The following BEND7 variants were observed in gnomAD, a reference collection of about 807,000 sequenced individuals.
The protein encoded by BEND7 is BEN domain containing 7.
A neutral mutation model predicts 50.9 loss-of-function variants in BEND7; 28 were observed. The ratio of observed to expected loss-of-function variants is 0.55; its 90% CI spans 0.41 to 0.75. The LOEUF (loss-of-function observed/expected upper bound fraction) is 0.75, where lower values mean the gene tolerates loss of function less well. Among genes scored for constraint, BEND7 ranks in the 30% least tolerant of loss-of-function variants. BEND7 has a pLI of 0.00. For synonymous variants in BEND7, 170 were observed against 183.9 expected (o/e 0.92, Z 0.61); for missense variants, 477 against 491.3 (o/e 0.97, Z 0.28).
chr10:13,439,037 G>A (rs181013529), downstream of BEND7: 1 of 856,730 alleles, frequency 1.2e-6, no homozygotes, highest in East Asian at 2.7e-5. Context: ...GTCCACTCTT[G>A]CTGGGCAAAG....
chr10:13,474,450 T>C (rs1013779193), intron 6 of BEND7, among the ~76,000 whole-genome samples: 3 of 152,230 alleles, frequency 2.0e-5, no homozygotes, highest in African/African-American at 7.2e-5. Flanking sequence ...GTCATCACTG[T>C]TAGACTCGGG....
At chr10:13,452,220 C>T (rs74368291) in intron 7 of BEND7, among the ~76,000 whole-genome samples, 9 of 152,206 alleles carry the variant, frequency 5.9e-5, no homozygotes, top group East Asian at 5.8e-4. Context: ...AAATAAAAAT[C>T]AATAGGCAGA....
chr10:13,521,831 C>G (rs897128028), intron 2 of BEND7, among the ~76,000 whole-genome samples: 2 of 152,342 alleles, frequency 1.3e-5, no homozygotes, highest in East Asian at 3.9e-4. Flanking sequence ...ACGGACCTGC[C>G]GAGTCCTCCA....
chr10:13,509,175 G>A (rs1458716299), intron 2 of BEND7, among the ~76,000 whole-genome samples: 1 of 152,242 alleles, frequency 6.6e-6, no homozygotes, highest in African/African-American at 2.4e-5. Flanking sequence ...AAGTATCTAT[G>A]AGAAGTTTGG....
In BEND7 at chr10:13,494,157, C is replaced by T. The variant is rs138355115; in HGVS notation, c.572-1281G>A. Among the ~76,000 whole-genome samples the T allele has an allele frequency of 4.7e-3, 713 of 152,168 alleles. 7 individuals are homozygous for T. Among genetic ancestry groups the T allele is most frequent in the African/African-American group, 0.016 (684 of 41,538 alleles). On this transcript the variant is annotated intron_variant, in intron 4 of 8. Transcript: ENST00000466271. ...TGCCGGGCCAGGCATGGTGGCTCAC[C>T]CCTGTAATCCCAGCACTTTGGGAGG... is the stretch of plus-strand genomic sequence containing the variant.
chr10:13,440,366 C>T (rs1835170293), downstream of BEND7, among the ~76,000 whole-genome samples: 1 of 152,226 alleles, frequency 6.6e-6, no homozygotes, highest in Non-Finnish European at 1.5e-5. Flanking sequence ...GCAGCGCGGA[C>T]ACCTGCAAGA....
Position 13,441,395 on chromosome 10 carries a change from T to A in BEND7, c.*348A>T, listed in dbSNP as rs944206857. On this transcript the variant is annotated 3_prime_UTR_variant, in exon 9 of 9. Transcript: ENST00000466271. ...ACAATTTTAATTTACAAAATATGAT[T>A]TTGCTGTTGCAGTTTTGATACGTAT... 11 of 1,114,350 alleles carry A rather than the reference T, an allele frequency of 9.9e-6. No homozygotes were observed. Among genetic ancestry groups the A allele is most frequent in the Admixed American group, 9.6e-5 (2 of 20,818 alleles). 69.0% of individuals were successfully genotyped at this position (1,114,350 alleles called of 1,614,324 possible).
intron 6 of BEND7, among the ~76,000 whole-genome samples, chr10:13,465,924 G>T (rs2074206094): frequency 6.6e-6 from 1 of 152,058 alleles, no homozygotes; most frequent in African/African-American, 2.4e-5. Context: ...TGGGGGGACA[G>T]ACAACAATAT....
chr10:13,481,601 A>T (rs1275829565), intron 5 of BEND7, among the ~76,000 whole-genome samples: 1 of 152,248 alleles, frequency 6.6e-6, no homozygotes, highest in African/African-American at 2.4e-5. Context: ...TACGGGGCTA[A>T]CCCAGAAGGC....
chr10:13,521,792 T>G (rs1317748910), intron 2 of BEND7, among the ~76,000 whole-genome samples: 1 of 152,198 alleles, frequency 6.6e-6, no homozygotes, highest in Non-Finnish European at 1.5e-5. Flanking sequence ...GCCACCTGAC[T>G]CCAGGTGAAG....
chr10:13,509,756 G>A (rs1004079767), intron 2 of BEND7, among the ~76,000 whole-genome samples: 1 of 152,110 alleles, frequency 6.6e-6, no homozygotes, highest in African/African-American at 2.4e-5. Context: ...GGGCAATGGC[G>A]AATCAGCGAA....
At chr10:13,466,136 T>G (rs17533135) in intron 6 of BEND7, among the ~76,000 whole-genome samples, 29,585 of 152,062 alleles carry the variant, frequency 0.19, 3,017 homozygotes, top group Middle Eastern at 0.26. Flanking sequence ...TTTAACACAG[T>G]TGGTATATTT....
At chr10:13,473,849 C>A (rs758835734) in intron 6 of BEND7, among the ~76,000 whole-genome samples, 6 of 145,456 alleles carry the variant, frequency 4.1e-5, no homozygotes, top group Non-Finnish European at 9.1e-5. Context: ...GGGGTTGATA[C>A]CCATCATCGC....
intron 6 of BEND7, among the ~76,000 whole-genome samples, chr10:13,455,847 G>A (rs1307200409): frequency 6.6e-6 from 1 of 152,118 alleles, no homozygotes; most frequent in African/African-American, 2.4e-5. Context: ...TGTAGGGGAG[G>A]TGTGGAATCA....
At chr10:13,457,855 T>C (rs540950672) in intron 6 of BEND7, among the ~76,000 whole-genome samples, 1 of 152,392 alleles carries the variant, frequency 6.6e-6, no homozygotes, top group African/African-American at 2.4e-5. Context: ...TCTACTATGT[T>C]AATAGTGGGT....
chr10:13,491,006 G>A (rs2076617053), intron 5 of BEND7, among the ~76,000 whole-genome samples: 1 of 152,246 alleles, frequency 6.6e-6, no homozygotes, highest in Middle Eastern at 3.4e-3. Flanking sequence ...GTTTTCCCAT[G>A]TTGGCCAGGC....
In BEND7 at chr10:13,451,384, T is replaced by A. The variant is rs1588648084; in HGVS notation, c.1183+1155A>T. 3.3e-5 allele frequency among the ~76,000 whole-genome samples: 5 copies of A among 149,976 alleles called. No homozygotes were observed. In the South Asian group the frequency reaches 1.1e-3, roughly 32 times the overall value. ...TTAAGATTTTTTTCTTTTTTTTTGG[T>A]GTGTGTGTGTGTGTTTGTGTGTGTG... On this transcript the variant is annotated intron_variant, in intron 7 of 8. Transcript: ENST00000466271.
At chr10:13,500,279 C>T (rs959525470) in intron 2 of BEND7, among the ~76,000 whole-genome samples, 199 bp from the exon 3 acceptor site, 1 of 152,220 alleles carries the variant, frequency 6.6e-6, no homozygotes, top group Admixed American at 6.5e-5. Flanking sequence ...TGGTGCCTCT[C>T]ATTTTAATCT....
chr10:13,473,488 T>C (rs1366044803), intron 6 of BEND7, among the ~76,000 whole-genome samples: 3 of 139,148 alleles, frequency 2.2e-5, no homozygotes, highest in East Asian at 4.6e-4. Flanking sequence ...GGTTGATATC[T>C]GTCATCGCTG....
Sources: gnomAD v4.1 joint callset for allele counts (sites outside exome capture counted in the v4.1 genomes callset) on GRCh38, gnomAD v4.1.1 for gene constraint, MANE v1.5 for transcripts, NCBI Gene and HGNC (gene_info 2026-07-23, HGNC 2026-07-21) for gene names.